HDAC9: variants seen among roughly 807,000 people sequenced by gnomAD.
HDAC9 encodes histone deacetylase 9, also known as MEF-2 interacting transcription repressor (MITR) protein.
In HDAC9, 41 loss-of-function variants were observed where a neutral mutation model predicts 139.4. That is an observed-to-expected ratio of 0.29 (90% CI 0.23 to 0.38). The LOEUF is 0.38. HDAC9 is among the 10% of genes least tolerant of loss of function. HDAC9 has a pLI of 1.00. For missense variants in HDAC9, 1,147 were observed against 1,297.0 expected, an observed-to-expected ratio of 0.88 and a Z score of 1.78; for synonymous variants, 517 against 476.2, an observed-to-expected ratio of 1.09 and a Z score of -1.12.
chr7:18,629,757 G>A lies in HDAC9; in HGVS notation c.796+276G>A, dbSNP rs1781771302. 2.0e-5 allele frequency among the ~76,000 whole-genome samples: 3 copies of A among 152,124 alleles called. No homozygotes were observed. In the South Asian group the frequency reaches 6.2e-4, roughly 32 times the overall value. On this transcript the variant is annotated intron_variant, in intron 7 of 25. Transcript: ENST00000686413. ...ACCTTATTCTTTTCAGGAACAGGCA[G>A]TCCATTTTGGGAATGCCAACCAGGA...
At chr7:18,602,858 A>T (rs866850901) in intron 6 of HDAC9, among the ~76,000 whole-genome samples, 2 of 152,090 alleles carry the variant, frequency 1.3e-5, no homozygotes, top group African/African-American at 4.8e-5. Flanking sequence ...GTTGAGGTAC[A>T]TCTTATGCCT....
At chr7:18,694,042 A>C (rs1052216912) in intron 12 of HDAC9, among the ~76,000 whole-genome samples, 6 of 152,206 alleles carry the variant, frequency 3.9e-5, no homozygotes, top group African/African-American at 1.4e-4. Context: ...CTAGTACAGT[A>C]ATAAATTATA....
chr7:18,816,148 G>A (rs1461215910), intron 17 of HDAC9, among the ~76,000 whole-genome samples: 1 of 152,190 alleles, frequency 6.6e-6, no homozygotes, highest in East Asian at 1.9e-4. Flanking sequence ...CCTATTGACT[G>A]AGTGATCCTC....
intron 17 of HDAC9, among the ~76,000 whole-genome samples, chr7:18,811,728 T>C (rs775271471): frequency 3.3e-5 from 5 of 152,000 alleles, no homozygotes; most frequent in Middle Eastern, 3.4e-3. Flanking sequence ...TAATTATTAA[T>C]TTTCTTAAAA....
intron 1 of HDAC9, among the ~76,000 whole-genome samples, chr7:18,313,983 T>A (rs1187424011): frequency 6.6e-6 from 1 of 152,210 alleles, no homozygotes; most frequent in East Asian, 1.9e-4. Flanking sequence ...ATACATAAAA[T>A]TAAAGTTAAT....
At chr7:18,307,676 A>G (rs908363843) in intron 1 of HDAC9, among the ~76,000 whole-genome samples, 14 of 152,076 alleles carry the variant, frequency 9.2e-5, no homozygotes, top group African/African-American at 2.9e-4. Flanking sequence ...GGTGGTACAT[A>G]CATGTAGCCC....
intron 25 of HDAC9, among the ~76,000 whole-genome samples, chr7:18,988,571 T>C (rs1195436654): frequency 6.6e-6 from 1 of 152,140 alleles, no homozygotes; most frequent in African/African-American, 2.4e-5. Flanking sequence ...TGTAGATGTC[T>C]ATCAGGTCCG....
intron 2 of HDAC9, among the ~76,000 whole-genome samples, chr7:18,249,409 G>A (rs1281284148): frequency 2.0e-5 from 3 of 148,212 alleles, no homozygotes; most frequent in African/African-American, 4.9e-5. Context: ...AGGCTGAGGT[G>A]TGAGAATCGC....
intron 22 of HDAC9, among the ~76,000 whole-genome samples, chr7:18,898,386 T>G (rs1212209196): frequency 6.6e-6 from 1 of 151,876 alleles, no homozygotes; most frequent in Non-Finnish European, 1.5e-5. Context: ...AGCTAAAAAT[T>G]TTTTACATAA....
At chr7:18,163,610 C>T (rs1787808520) in intron 2 of HDAC9, among the ~76,000 whole-genome samples, 1 of 152,116 alleles carries the variant, frequency 6.6e-6, no homozygotes, top group East Asian at 1.9e-4. Flanking sequence ...ATTTCTCACC[C>T]CATCCCCTAC....
intron 2 of HDAC9, among the ~76,000 whole-genome samples, chr7:18,225,752 A>G (rs1793012733): frequency 6.6e-6 from 1 of 152,176 alleles, no homozygotes; most frequent in Non-Finnish European, 1.5e-5. Context: ...GTTGGATTTC[A>G]TGATAAAGTT....
chr7:18,559,202 C>T (rs563426610), intron 2 of HDAC9, among the ~76,000 whole-genome samples: 33 of 152,250 alleles, frequency 2.2e-4, no homozygotes, highest in African/African-American at 7.0e-4. Flanking sequence ...ACTAGGTGTC[C>T]TTCATGGGCA....
chr7:18,238,535 A>T (rs761735323), intron 2 of HDAC9, among the ~76,000 whole-genome samples: 22 of 152,192 alleles, frequency 1.4e-4, no homozygotes, highest in Admixed American at 1.4e-3. Context: ...AATCAGAGAA[A>T]GATAGACCCT....
At chr7:18,794,142 G>C (rs374752461) in intron 17 of HDAC9, among the ~76,000 whole-genome samples, 1 of 152,174 alleles carries the variant, frequency 6.6e-6, no homozygotes, top group African/African-American at 2.4e-5. Context: ...CGCCATGTGC[G>C]TCTTGAATGC....
At chr7:18,529,428 CAAGTT>C (rs1808105339) in intron 2 of HDAC9, among the ~76,000 whole-genome samples, 1 of 152,156 alleles carries the variant, frequency 6.6e-6, no homozygotes, top group Non-Finnish European at 1.5e-5. Flanking sequence ...TAGCCAATTC[CAAGTT>C]AAGTTTTCAT....
intron 1 of HDAC9, among the ~76,000 whole-genome samples, chr7:18,328,446 T>C (rs1337706958): frequency 1.3e-5 from 2 of 151,990 alleles, no homozygotes; most frequent in Non-Finnish European, 2.9e-5. Context: ...AATTTATTGG[T>C]TTACAATAAG....
chr7:18,706,164 T>A (rs1004204855), intron 12 of HDAC9, among the ~76,000 whole-genome samples: 1 of 71,322 alleles, frequency 1.4e-5, no homozygotes, highest in African/African-American at 6.9e-5. Flanking sequence ...GTTTTCCTTT[T>A]TTTTTTTTTT....
At chr7:18,958,079 T>G (rs184375965) in intron 24 of HDAC9, among the ~76,000 whole-genome samples, 9 of 152,198 alleles carry the variant, frequency 5.9e-5, no homozygotes, top group Admixed American at 5.9e-4. Context: ...CCTGGCCACA[T>G]GTATGTGAAT....
intron 1 of HDAC9, among the ~76,000 whole-genome samples, chr7:18,301,095 A>G (rs1434200285): frequency 6.6e-6 from 1 of 152,140 alleles, no homozygotes; most frequent in East Asian, 1.9e-4. Context: ...CCCGCAATGC[A>G]ATTTTATAAA....
Sources: gnomAD v4.1 joint callset for allele counts (sites outside exome capture counted in the v4.1 genomes callset) on GRCh38, gnomAD v4.1.1 for gene constraint, MANE v1.5 for transcripts, NCBI Gene and HGNC (gene_info 2026-07-23, HGNC 2026-07-21) for gene names.